ROBO1: variants seen among roughly 807,000 people sequenced by gnomAD.
ROBO1 encodes roundabout homolog 1.
ROBO1 carries 149 observed loss-of-function variants against 195.9 expected under a neutral mutation model. That is an observed-to-expected ratio of 0.76 (90% CI 0.67 to 0.87). The LOEUF is 0.87. Ranked by LOEUF, ROBO1 falls within the 40% of genes least tolerant of loss-of-function variation. ROBO1 has a pLI of 0.00. For missense variants in ROBO1, 1,933 were observed against 2,068.3 expected (o/e 0.93, Z 1.27); for synonymous variants, 816 against 733.2 (o/e 1.11, Z -1.82).
intron 1 of ROBO1, among the ~76,000 whole-genome samples, chr3:79,630,819 T>A (rs1945317641): frequency 6.6e-6 from 1 of 151,946 alleles, no homozygotes; most frequent in South Asian, 2.1e-4. Context: ...ATCAGTAACA[T>A]TTCTATACAC....
At chr3:79,632,310 G>T (rs1023815226) in intron 1 of ROBO1, among the ~76,000 whole-genome samples, 1 of 152,124 alleles carries the variant, frequency 6.6e-6, no homozygotes, top group Non-Finnish European at 1.5e-5. Context: ...CAAAAAGAAT[G>T]AAATCATGGC....
intron 2 of ROBO1, among the ~76,000 whole-genome samples, chr3:79,277,247 G>T (rs778945860): frequency 2.2e-4 from 33 of 151,974 alleles, no homozygotes; most frequent in South Asian, 6.2e-4. Flanking sequence ...AATGCATAAA[G>T]AAAATGTAGT....
In ROBO1 at chr3:78,904,712, A is replaced by G. The variant is rs545363505; in HGVS notation, c.499+33889T>C. ...TATACATATGTATATATGTATATAT[A>G]TATGTATATGTATATATATGCATAT... is the stretch of plus-strand genomic sequence containing the variant. On this transcript the variant is annotated intron_variant, in intron 4 of 30. Coordinates refer to ENST00000464233, the MANE Select transcript of ROBO1 (RefSeq NM_002941.4). Among the ~76,000 whole-genome samples, 378 of 150,000 alleles carry G rather than the reference A, an allele frequency of 2.5e-3. 1 individual carries two copies. Among genetic ancestry groups the G allele is most frequent in the African/African-American group, 8.8e-3 (362 of 41,056 alleles).
intron 3 of ROBO1, among the ~76,000 whole-genome samples, chr3:79,047,751 T>C (rs1441540356): frequency 2.6e-5 from 4 of 152,070 alleles, no homozygotes; most frequent in African/African-American, 9.7e-5. Context: ...CACTTTCCCA[T>C]TCCTCCCGAA....
intron 3 of ROBO1, among the ~76,000 whole-genome samples, chr3:79,097,352 T>G (rs2079589098): frequency 6.6e-6 from 1 of 151,802 alleles, no homozygotes; most frequent in African/African-American, 2.4e-5. Flanking sequence ...CTTCAAAAAC[T>G]GTTGTTCTGA....
intron 2 of ROBO1, among the ~76,000 whole-genome samples, chr3:79,189,979 A>G (rs1291986683): frequency 5.9e-5 from 9 of 151,714 alleles, no homozygotes; most frequent in Non-Finnish European, 1.3e-4. Flanking sequence ...ACAGATTTCT[A>G]TACTATACAT....
At chr3:79,153,765 G>T in intron 2 of ROBO1, among the ~76,000 whole-genome samples, 1 of 147,372 alleles carries the variant, frequency 6.8e-6, no homozygotes, top group African/African-American at 2.5e-5. Context: ...TATAAATATT[G>T]TTTATATGTA....
At chr3:79,445,495 T>G (rs1396213393) in intron 2 of ROBO1, among the ~76,000 whole-genome samples, 100 of 149,614 alleles carry the variant, frequency 6.7e-4, no homozygotes, top group African/African-American at 2.3e-3. Context: ...TTTTTTTTTT[T>G]TTTTTTGGCG....
At chr3:79,243,581 C>T (rs2082564650) in intron 2 of ROBO1, among the ~76,000 whole-genome samples, 1 of 151,994 alleles carries the variant, frequency 6.6e-6, no homozygotes, top group Non-Finnish European at 1.5e-5. Flanking sequence ...TCTCTGATGG[C>T]CAGTGATGAT....
At chr3:78,788,146 G>T (rs2083900483) in intron 4 of ROBO1, among the ~76,000 whole-genome samples, 1 of 144,148 alleles carries the variant, frequency 6.9e-6, no homozygotes, top group African/African-American at 2.6e-5. Flanking sequence ...GACGGAGTCT[G>T]GCTCTGTCGC....
intron 4 of ROBO1, among the ~76,000 whole-genome samples, chr3:78,787,347 A>T (rs149676151): frequency 3.3e-5 from 5 of 152,358 alleles, no homozygotes; most frequent in African/African-American, 9.6e-5. Context: ...GATTTAGGAC[A>T]TAAAAAGCAG....
At chr3:78,859,628 C>T (rs2034663244) in intron 4 of ROBO1, among the ~76,000 whole-genome samples, 1 of 152,078 alleles carries the variant, frequency 6.6e-6, no homozygotes, top group Non-Finnish European at 1.5e-5. Flanking sequence ...GTGTTTAAAT[C>T]TCCAAGATGG....
intron 19 of ROBO1, among the ~76,000 whole-genome samples, chr3:78,650,971 G>A (rs1706612458): frequency 6.6e-6 from 1 of 152,136 alleles, no homozygotes; most frequent in Non-Finnish European, 1.5e-5. Flanking sequence ...GTCTGACACT[G>A]TTAACAATTT....
At chr3:79,706,757 G>A (rs1947785828) in intron 1 of ROBO1, among the ~76,000 whole-genome samples, 1 of 152,038 alleles carries the variant, frequency 6.6e-6, no homozygotes, top group South Asian at 2.1e-4. Flanking sequence ...TGATTGTGAG[G>A]CGTCCCCAGC....
At chr3:78,759,646 C>G (rs1454396836) in intron 4 of ROBO1, among the ~76,000 whole-genome samples, 1 of 152,010 alleles carries the variant, frequency 6.6e-6, no homozygotes, top group South Asian at 2.1e-4. Flanking sequence ...CATTTTAATT[C>G]CCACCGAATT....
intron 2 of ROBO1, among the ~76,000 whole-genome samples, chr3:79,219,468 T>C (rs1004423073): frequency 7.2e-5 from 11 of 151,994 alleles, no homozygotes; most frequent in African/African-American, 4.8e-5. Context: ...TTAACAGGAT[T>C]AGCTAGTATT....
intron 8 of ROBO1, among the ~76,000 whole-genome samples, chr3:78,707,207 GC>G (rs1159639790): frequency 6.6e-6 from 1 of 152,142 alleles, no homozygotes; most frequent in Non-Finnish European, 1.5e-5. Context: ...TAGTTTACTA[GC>G]AGCAAGGAGA....
intron 2 of ROBO1, among the ~76,000 whole-genome samples, chr3:79,213,126 C>T (rs1264936790): frequency 6.6e-6 from 1 of 151,890 alleles, no homozygotes; most frequent in Non-Finnish European, 1.5e-5. Flanking sequence ...TACCTGTAGT[C>T]CCAGCTACAC....
At chr3:79,749,967 A>G (rs1048713951) in intron 1 of ROBO1, among the ~76,000 whole-genome samples, 1 of 152,176 alleles carries the variant, frequency 6.6e-6, no homozygotes, top group African/African-American at 2.4e-5. Flanking sequence ...AGAATGGTAG[A>G]TCCACCAACA....
Sources: allele counts gnomAD v4.1 joint callset (sites outside exome capture counted in the v4.1 genomes callset), GRCh38; gene constraint gnomAD v4.1.1; transcripts MANE v1.5; gene names NCBI Gene and HGNC (gene_info 2026-07-23, HGNC 2026-07-21).